The following KCNQ1 variants were observed in gnomAD, a reference collection of about 807,000 sequenced individuals.
KCNQ1 encodes the protein potassium voltage-gated channel subfamily KQT member 1.
Under a neutral mutation model 72.4 loss-of-function variants are expected in KCNQ1, and 49 were observed. The ratio of observed to expected loss-of-function variants is 0.68; its 90% CI spans 0.54 to 0.86. The LOEUF (loss-of-function observed/expected upper bound fraction) is 0.86, where lower values mean the gene tolerates loss of function less well. Among genes scored for constraint, KCNQ1 ranks in the 40% least tolerant of loss-of-function variants. The pLI is 0.00. For missense variants in KCNQ1, 790 were observed against 945.1 expected (o/e 0.84, Z 2.15); for synonymous variants, 450 against 412.6 (o/e 1.09, Z -1.10).
rs1590003266 is a variant in KCNQ1, at chr11:2,647,331, G to T, written c.1394-14630G>T. On this transcript the variant is annotated intron_variant, in intron 10 of 15. Transcript: ENST00000155840. This position sits in a 1 kb window ranked among gnomAD's most constrained non-coding sequence, Gnocchi z 4.0. ...TGAATCCCTGGGATAAATCCCACTTGATTATGGTGTATTATCTTTTTGATG... is the reference window on the plus strand; with the variant it reads ...TGAATCCCTGGGATAAATCCCACTTTATTATGGTGTATTATCTTTTTGATG... The T allele has an allele frequency of 2.5e-6, 1 of 398,422 alleles. No homozygotes were observed. The highest frequency in any genetic ancestry group is 3.6e-5 in the East Asian group (1 of 28,052). The allele number at this position is 398,422 out of a possible 1,614,324, so 24.7% of individuals were successfully genotyped here. A position where few individuals can be genotyped will look rare whatever the true frequency, so the allele number is the denominator to read the frequency against.
chr11:2,699,355 C>G (rs1448651384), intron 11 of KCNQ1: 1 of 399,156 alleles, frequency 2.5e-6, no homozygotes, highest in Non-Finnish European at 4.4e-6. Flanking sequence ...TCACCCGTCC[C>G]GCGCCGTCCG....
rs1848208145 is a variant in KCNQ1 at position 2,563,777 on chromosome 11, C to T, written c.478-6851C>T. 6.6e-6 allele frequency among the ~76,000 whole-genome samples: 1 copy of T among 152,214 alleles called. No individual in the cohort carries two copies. The highest frequency in any genetic ancestry group is 1.5e-5 in the Non-Finnish European group (1 of 68,036). Reference sequence around the variant, plus strand: ...TTGCCTGTGTTTTTCCACCCAGGGCCCTTTGCACTGCCTGCTATTTGTTTT... The same window carrying T: ...TTGCCTGTGTTTTTCCACCCAGGGCTCTTTGCACTGCCTGCTATTTGTTTT... On this transcript the variant is annotated intron_variant, in intron 2 of 15. Transcript: ENST00000155840. This position sits in a 1 kb window ranked among gnomAD's most constrained non-coding sequence, Gnocchi z 7.4.
chr11:2,773,388 G>A (rs1194729764), intron 12 of KCNQ1, among the ~76,000 whole-genome samples: 9 of 147,994 alleles, frequency 6.1e-5, no homozygotes, highest in Admixed American at 2.7e-4. Context: ...AGGGCTCAGC[G>A]TCCAATCTTA....
rs539778450 is a variant in KCNQ1 at position 2,645,335 on chromosome 11, C to T, written c.1394-16626C>T. The T allele has an allele frequency of 1.0e-4, 40 of 398,682 alleles. No homozygotes were observed. In the East Asian group the frequency reaches 1.4e-3, roughly 14 times the overall value. The allele number at this position is 398,682 out of a possible 1,614,324, so 24.7% of individuals were successfully genotyped here. ...ACAATACTGGATAGGGCAGGGTGAT[C>T]CCTAGGCCCAGAGATGGTATGCGCT... On this transcript the variant is annotated intron_variant, in intron 10 of 15. Transcript: ENST00000155840. The surrounding 1 kb of genome is among the most constrained non-coding windows in gnomAD (Gnocchi z 5.8).
chr11:2,511,399 A>G (rs1847201268), intron 1 of KCNQ1, among the ~76,000 whole-genome samples: 2 of 151,946 alleles, frequency 1.3e-5, no homozygotes, highest in Admixed American at 1.3e-4. Flanking sequence ...AACCAGAACC[A>G]CCTCGTCAGG....
At position 2,787,170 on chromosome 11, in the gene KCNQ1, C is replaced by G. The variant is rs187495670; in HGVS notation, c.1794+9133C>G. Among the ~76,000 whole-genome samples the G allele has an allele frequency of 6.6e-5, 10 of 152,248 alleles. No individual in the cohort carries two copies. In the East Asian group the frequency reaches 1.9e-3, roughly 29 times the overall value. On this transcript the variant is annotated intron_variant, in intron 15 of 15. Transcript: ENST00000155840. The surrounding 1 kb of genome is among the most constrained non-coding windows in gnomAD (Gnocchi z 6.3). The stretch of plus-strand genomic sequence containing the variant: ...TTCAAGCCTCCAAGCTGAGCATGGA[C>G]TAACTTGTGAACATGACTTTCCAGG...
At chr11:2,799,375 A>AGTGTGTGTGTGTGTGT (rs3079043) in intron 15 of KCNQ1, among the ~76,000 whole-genome samples, 172 of 147,396 alleles carry the variant, frequency 1.2e-3, no homozygotes, top group South Asian at 0.012. Flanking sequence ...TGTAAGTTCG[A>AGTGTGTGTGTGTGTGT]GTGTGTGTGT....
At chr11:2,707,349 T>C (rs1173811062) in intron 11 of KCNQ1, among the ~76,000 whole-genome samples, 1 of 152,204 alleles carries the variant, frequency 6.6e-6, no homozygotes, top group Non-Finnish European at 1.5e-5. Flanking sequence ...CCTTTAGCCC[T>C]CAGGAGGCAA....
At chr11:2,548,103 T>G (rs1847925650) in intron 2 of KCNQ1, among the ~76,000 whole-genome samples, 1 of 152,102 alleles carries the variant, frequency 6.6e-6, no homozygotes, top group Non-Finnish European at 1.5e-5. Context: ...GACTCAGACT[T>G]AACGCCGCCC....
chr11:2,629,247 T>C, intron 10 of KCNQ1: 1 of 398,380 alleles, frequency 2.5e-6, no homozygotes, highest in Admixed American at 4.4e-5. Flanking sequence ...TTCCATTTAT[T>C]TGTATCATCT....
chr11:2,620,882 T>A lies in KCNQ1; in HGVS notation c.1393+32028T>A, dbSNP rs1215839595. On this transcript the variant is annotated intron_variant, in intron 10 of 15. Coordinates refer to ENST00000155840, the MANE Select transcript of KCNQ1 (RefSeq NM_000218.3). The surrounding 1 kb of genome is among the most constrained non-coding windows in gnomAD (Gnocchi z 4.5). ...TTTTTTGACTTTTTAATAATTGCCA[T>A]TCTGACTGGTGTGAGATGGCATCCC... is the stretch of plus-strand genomic sequence containing the variant. 1.3e-5 allele frequency: 5 copies of A among 398,468 alleles called. No homozygotes were observed. The East Asian group carries it at 1.8e-4, about 14-fold the overall frequency. The allele number at this position is 398,468 out of a possible 1,614,324, so 24.7% of individuals were successfully genotyped here.
In KCNQ1 at chr11:2,516,692, C is replaced by T. The variant is rs567706688; in HGVS notation, c.387-11236C>T. Reference sequence around the variant, plus strand: ...GCCGGGATCCTCATGCTACGGCCACCACCTGATTTTGTCGATAAAGTTTTA... The same window carrying T: ...GCCGGGATCCTCATGCTACGGCCACTACCTGATTTTGTCGATAAAGTTTTA... On this transcript the variant is annotated intron_variant, in intron 1 of 15. Coordinates refer to ENST00000155840, the MANE Select transcript of KCNQ1 (RefSeq NM_000218.3). This position sits in a 1 kb window ranked among gnomAD's most constrained non-coding sequence, Gnocchi z 7.0. 4.3e-3 allele frequency among the ~76,000 whole-genome samples: 660 copies of T among 152,266 alleles called. 1 individual carries two copies. Among genetic ancestry groups the T allele is most frequent in the Non-Finnish European group, 6.9e-3 (468 of 68,034 alleles).
At chr11:2,558,516 G>A (rs1848105515) in intron 2 of KCNQ1, among the ~76,000 whole-genome samples, 1 of 152,204 alleles carries the variant, frequency 6.6e-6, no homozygotes, top group Non-Finnish European at 1.5e-5. Flanking sequence ...TGGGCACTCT[G>A]CCTAGCGCCA....
At chr11:2,839,502 C>T (rs878858621) in intron 15 of KCNQ1, among the ~76,000 whole-genome samples, 22 of 152,172 alleles carry the variant, frequency 1.4e-4, no homozygotes, top group Admixed American at 1.1e-3. Context: ...GGCCATGTGG[C>T]ACCGGCTCAT....
Position 2,484,786 on chromosome 11 carries a change from C to G in KCNQ1, c.386+39302C>G, listed in dbSNP as rs547369338. 6.6e-6 allele frequency among the ~76,000 whole-genome samples: 1 copy of G among 152,210 alleles called. No homozygotes were observed. The highest frequency in any genetic ancestry group is 2.1e-4 in the South Asian group (1 of 4,830). ...CTGGGGAATATGTGTATGGCACCCCCACGTCTACGCTTCTGTGTTCATCTG... is the reference window on the plus strand; with the variant it reads ...CTGGGGAATATGTGTATGGCACCCCGACGTCTACGCTTCTGTGTTCATCTG... On this transcript the variant is annotated intron_variant, in intron 1 of 15. Coordinates refer to ENST00000155840, the MANE Select transcript of KCNQ1 (RefSeq NM_000218.3). The surrounding 1 kb of genome is among the most constrained non-coding windows in gnomAD (Gnocchi z 5.2).
intron 2 of KCNQ1, among the ~76,000 whole-genome samples, chr11:2,558,076 T>C (rs1044276368): frequency 6.6e-6 from 1 of 152,228 alleles, no homozygotes; most frequent in African/African-American, 2.4e-5. Flanking sequence ...AACACTCTCC[T>C]AAATAGCCAG....
intron 1 of KCNQ1, among the ~76,000 whole-genome samples, chr11:2,459,314 CAAAG>C (rs1846240845): frequency 6.6e-6 from 1 of 152,108 alleles, no homozygotes; most frequent in African/African-American, 2.4e-5. Flanking sequence ...TGGGCAGAGA[CAAAG>C]CATGCATGTG....
chr11:2,569,454 G>A (rs1352652435), intron 2 of KCNQ1, among the ~76,000 whole-genome samples: 1 of 152,344 alleles, frequency 6.6e-6, no homozygotes, highest in East Asian at 1.9e-4. Context: ...CCTGGTGGGG[G>A]CGTGGCATGG....
rs1184216360 is a variant in KCNQ1 at position 2,817,619 on chromosome 11, G to A, written c.1795-30148G>A. On this transcript the variant is annotated intron_variant, in intron 15 of 15. Coordinates refer to ENST00000155840, the MANE Select transcript of KCNQ1 (RefSeq NM_000218.3). This position sits in a 1 kb window ranked among gnomAD's most constrained non-coding sequence, Gnocchi z 6.1. Reference sequence around the variant, plus strand: ...GTGGAGGACGCTGGGCAGAGCCCTGGGCATTAACTCAGGGCCATCACAGAG... The same window carrying A: ...GTGGAGGACGCTGGGCAGAGCCCTGAGCATTAACTCAGGGCCATCACAGAG... Among the ~76,000 whole-genome samples the A allele has an allele frequency of 6.6e-6, 1 of 152,096 alleles. No individual in the cohort carries two copies. Among genetic ancestry groups the A allele is most frequent in the Non-Finnish European group, 1.5e-5 (1 of 68,010 alleles).
Sources: allele counts gnomAD v4.1 joint callset (sites outside exome capture counted in the v4.1 genomes callset), GRCh38; gene constraint gnomAD v4.1.1; non-coding constraint Gnocchi (gnomAD v3.1); transcripts MANE v1.5; gene names NCBI Gene and HGNC (gene_info 2026-07-23, HGNC 2026-07-21).